Variants in FSD1 observed in about 807,000 individuals in gnomAD.
FSD1 encodes the protein fibronectin type III and SPRY domain-containing protein 1.
In FSD1, 23 loss-of-function variants were observed where a neutral mutation model predicts 58.2. The observed-to-expected ratio is 0.40, with a 90% CI of 0.28 to 0.56. The LOEUF (loss-of-function observed/expected upper bound fraction) is 0.56, where lower values mean the gene tolerates loss of function less well. Ranked by LOEUF, FSD1 falls within the 20% of genes least tolerant of loss-of-function variation. The pLI, the probability that FSD1 is intolerant of heterozygous loss-of-function variation, is 0.54. For missense variants in FSD1, 563 were observed against 670.8 expected, an observed-to-expected ratio of 0.84 and a Z score of 1.78; for synonymous variants, 265 against 263.4, an observed-to-expected ratio of 1.01 and a Z score of -0.06.
At position 4,304,606 on chromosome 19, in the gene FSD1, C is replaced by G; in HGVS notation, c.-141C>G. 1 of 435,308 alleles carries G rather than the reference C, an allele frequency of 2.3e-6. No homozygotes were observed. Among genetic ancestry groups the G allele is most frequent in the Non-Finnish European group, 3.8e-6 (1 of 266,214 alleles). The allele number at this position is 435,308 out of a possible 1,614,324, so 27.0% of individuals were successfully genotyped here. A position where few individuals can be genotyped will look rare whatever the true frequency, so the allele number is the denominator to read the frequency against. On this transcript the variant is annotated 5_prime_UTR_variant, in exon 1 of 13. Coordinates refer to ENST00000221856, the MANE Select transcript of FSD1 (RefSeq NM_024333.3). ...GCGGCGGGTGCGCCTGCGCAATGCG[C>G]GCGGTGATGGAGCGCTAACCGGGGG...
At position 4,304,716 on chromosome 19, in the gene FSD1, G is replaced by C. The variant is rs1171749879; in HGVS notation, c.-31G>C. 12 of 1,222,342 alleles carry C rather than the reference G, an allele frequency of 9.8e-6. No homozygotes were observed. The highest frequency in any genetic ancestry group is 1.1e-5 in the Non-Finnish European group (11 of 979,540). 75.7% of individuals were successfully genotyped at this position (1,222,342 alleles called of 1,614,324 possible). A position where few individuals can be genotyped will look rare whatever the true frequency, so the allele number is the denominator to read the frequency against. On this transcript the variant is annotated 5_prime_UTR_variant, in exon 1 of 13. Coordinates refer to ENST00000221856, the MANE Select transcript of FSD1 (RefSeq NM_024333.3). ...GGGACCCAGCGTGCGCGGGGCCCGC[G>C]GGCCGGGCCGGGGTGACCTGGGCTG...
intron 7 of FSD1, among the ~76,000 whole-genome samples, chr19:4,316,314 C>T (rs558109244): frequency 4.8e-4 from 73 of 151,936 alleles, no homozygotes; most frequent in African/African-American, 1.6e-3. Flanking sequence ...CTCTGCCTCC[C>T]GGGTTCAAGT....
Position 4,323,758 on chromosome 19 carries a change from G to A in FSD1, c.*115G>A. On this transcript the variant is annotated 3_prime_UTR_variant, in exon 13 of 13. Transcript: ENST00000221856. The surrounding 1 kb of genome is among the most constrained non-coding windows in gnomAD (Gnocchi z 7.7). The stretch of plus-strand genomic sequence containing the variant: ...GCTGCTTGGAGCCTTAACTCCAGAT[G>A]GGGGGGTCACCAAGAGGGAGTGGGC... 1 of 723,898 alleles carries A rather than the reference G, an allele frequency of 1.4e-6. No homozygotes were observed. The allele number at this position is 723,898 out of a possible 1,614,324, so 44.8% of individuals were successfully genotyped here.
At position 4,318,444 on chromosome 19, in the gene FSD1, A is replaced by G. The variant is rs749958049; in HGVS notation, c.898A>G (p.Ile300Val). Reference sequence around the variant, plus strand: ...CGCTATGGGCGGGAAGGTGCAGGATATCAAGGCTCGCGAGAAAGATGGCAA... The same window carrying G: ...CGCTATGGGCGGGAAGGTGCAGGATGTCAAGGCTCGCGAGAAAGATGGCAA... Reference protein sequence around the residue: ...WDAMGGKVQDIKAREKDGKGR... With the variant: ...WDAMGGKVQDVKAREKDGKGR... The change falls in exon 9 of 13, where the codon ATC becomes GTC. Residue 300 changes from isoleucine to valine, a missense_variant. Transcript: ENST00000221856. The G allele has an allele frequency of 1.2e-6, 2 of 1,613,718 alleles. No individual in the cohort carries two copies. Among genetic ancestry groups the G allele is most frequent in the South Asian group, 1.1e-5 (1 of 91,056 alleles).
Position 4,307,910 on chromosome 19 carries a change from T to A in FSD1, c.272T>A (p.Leu91Gln). ...QNQLAACTRA[L>Q]ESSEELLETA... ...CAGCTGGCTGCCTGCACGCGGGCCC[T>A]GGAGAGCTCCGAGGAGCTTCTGGAG... Residue 91 changes from leucine to glutamine, a missense_variant, in exon 4 of 13, where the codon CTG becomes CAG. Leu to Gln is a moderately radical substitution (Grantham distance 113). Coordinates refer to ENST00000221856, the MANE Select transcript of FSD1 (RefSeq NM_024333.3). 1 of 1,613,776 alleles carries A rather than the reference T, an allele frequency of 6.2e-7. No homozygotes were observed. Among genetic ancestry groups the A allele is most frequent in the South Asian group, 1.1e-5 (1 of 91,012 alleles).
chr19:4,319,565 A>T (rs955762067), intron 10 of FSD1, among the ~76,000 whole-genome samples: 3 of 152,074 alleles, frequency 2.0e-5, no homozygotes, highest in Admixed American at 6.6e-5. Flanking sequence ...AGGAATATCT[A>T]GAGAGAAGGA....
intron 7 of FSD1, among the ~76,000 whole-genome samples, chr19:4,315,181 A>G (rs1057192003): frequency 1.3e-5 from 2 of 151,736 alleles, no homozygotes; most frequent in Admixed American, 1.3e-4. Context: ...GCTGGAGTAC[A>G]GTGGCTTGAT....
At chr19:4,321,127 G>A (rs1971811489) in intron 10 of FSD1, among the ~76,000 whole-genome samples, 1 of 146,796 alleles carries the variant, frequency 6.8e-6, no homozygotes, top group South Asian at 2.2e-4. Context: ...AGGAGTACCT[G>A]GAGGGGAATA....
rs755566755 is a variant in FSD1 at position 4,323,259 on chromosome 19, C to CAAA, written c.1291+22_1291+23insAAA. 1.2e-6 allele frequency: 2 copies of CAAA among 1,605,776 alleles called. No homozygotes were observed. Among genetic ancestry groups the CAAA allele is most frequent in the Non-Finnish European group, 1.7e-6 (2 of 1,178,454 alleles). ...CAAGGTGACCCCAAGCCCCAGCTGC[C>CAAA]GTCTCTGGCTGCCCCTGCCTGAGTC... On this transcript the variant is annotated intron_variant, in intron 11 of 12. Transcript: ENST00000221856. The surrounding 1 kb of genome is among the most constrained non-coding windows in gnomAD (Gnocchi z 7.7).
intron 4 of FSD1, among the ~76,000 whole-genome samples, chr19:4,308,938 G>T (rs1399467886): frequency 6.6e-6 from 1 of 152,062 alleles, no homozygotes; most frequent in Non-Finnish European, 1.5e-5. Flanking sequence ...AGCCGGGCAT[G>T]GTGGCGGGCA....
At position 4,318,518 on chromosome 19, in the gene FSD1, C is replaced by T. The variant is rs776600746; in HGVS notation, c.959+13C>T. 61 of 1,576,894 alleles carry T rather than the reference C, an allele frequency of 3.9e-5. No individual in the cohort carries two copies. The South Asian group carries it at 5.7e-4, about 15-fold the overall frequency. On this transcript the variant is annotated intron_variant, in intron 9 of 12. Coordinates refer to ENST00000221856, the MANE Select transcript of FSD1 (RefSeq NM_024333.3). ...ACTCCCCAGCCAGGTAGCCTGCCCC[C>T]TCCCCTCCCTAAGTCTCTGGTGGAG... is the stretch of plus-strand genomic sequence containing the variant.
At position 4,307,903 on chromosome 19, in the gene FSD1, C is replaced by A; in HGVS notation, c.265C>A (p.Arg89=). 5 of 1,613,556 alleles carry A rather than the reference C, an allele frequency of 3.1e-6. No individual in the cohort carries two copies. The highest frequency in any genetic ancestry group is 4.2e-6 in the Non-Finnish European group (5 of 1,179,782). Residue 89 remains arginine, a synonymous_variant, in exon 4 of 13, where the codon CGG becomes AGG. Transcript: ENST00000221856. ...ACAGAACCAGCTGGCTGCCTGCACG[C>A]GGGCCCTGGAGAGCTCCGAGGAGCT... ...ELQNQLAACT[R]ALESSEELLE...
At chr19:4,310,742 CTGTG>C in intron 6 of FSD1, 146 bp downstream of exon 6, 11 of 916,304 alleles carry the variant, frequency 1.2e-5, no homozygotes, top group Non-Finnish European at 1.8e-5. Context: ...ATTCCACGCC[CTGTG>C]GGGGGTGGAG....
intron 7 of FSD1, among the ~76,000 whole-genome samples, chr19:4,314,396 C>T (rs1971729800): frequency 6.6e-6 from 1 of 151,250 alleles, no homozygotes; most frequent in Admixed American, 6.6e-5. Flanking sequence ...AGGAAGTTGC[C>T]AAAACAACTA....
chr19:4,310,356 C>G lies in FSD1; in HGVS notation c.368+61C>G, dbSNP rs377023321. ...CTGCCCCTGGTGTGAAGACAGGGGC[C>G]ACCTGGTGAGGGTGTCTCATCTCAG... On this transcript the variant is annotated intron_variant, in intron 5 of 12. Coordinates refer to ENST00000221856, the MANE Select transcript of FSD1 (RefSeq NM_024333.3). 1.9e-6 allele frequency: 3 copies of G among 1,606,960 alleles called. No homozygotes were observed. The African/African-American group carries it at 4.0e-5, about 21-fold the overall frequency.
rs140754528 is a variant in FSD1 at position 4,307,665 on chromosome 19, G to A, written c.244-217G>A. Among the ~76,000 whole-genome samples, 32 of 152,290 alleles carry A rather than the reference G, an allele frequency of 2.1e-4. No homozygotes were observed. In the East Asian group the frequency reaches 4.6e-3, roughly 22 times the overall value. ...ATTACAGGCCTGAGCCACCACACCC[G>A]GCCTTACGTGTTTTTAGGGAAGGGA... On this transcript the variant is annotated intron_variant, in intron 3 of 12. Coordinates refer to ENST00000221856, the MANE Select transcript of FSD1 (RefSeq NM_024333.3).
At chr19:4,309,106 G>C (rs1971659653) in intron 4 of FSD1, among the ~76,000 whole-genome samples, 1 of 151,980 alleles carries the variant, frequency 6.6e-6, no homozygotes, top group Admixed American at 6.6e-5. Context: ...TAATTAGCTG[G>C]GTGTGGTGGC....
At chr19:4,310,396 G>T in intron 5 of FSD1, 79 bp from the exon 6 acceptor site, 1 of 1,605,878 alleles carries the variant, frequency 6.2e-7, no homozygotes, top group South Asian at 1.1e-5. Flanking sequence ...CTGGACGGGA[G>T]CCCTGGGGAG....
At chr19:4,319,321 G>A (rs1457490318) in intron 10 of FSD1, among the ~76,000 whole-genome samples, 1 of 152,090 alleles carries the variant, frequency 6.6e-6, no homozygotes, top group Non-Finnish European at 1.5e-5. Flanking sequence ...CTGGGTTTGT[G>A]GGGGAGCTGA....
Sources: allele counts gnomAD v4.1 joint callset (sites outside exome capture counted in the v4.1 genomes callset), GRCh38; gene constraint gnomAD v4.1.1; non-coding constraint Gnocchi (gnomAD v3.1); transcripts MANE v1.5; gene names NCBI Gene and HGNC (gene_info 2026-07-23, HGNC 2026-07-21).